The following DYNC1I1 variants were observed in gnomAD, a reference collection of about 807,000 sequenced individuals.
DYNC1I1 encodes the protein cytoplasmic dynein 1 intermediate chain 1.
In DYNC1I1, 43 loss-of-function variants were observed where a neutral mutation model predicts 86.6. That is an observed-to-expected ratio of 0.50 (90% CI 0.39 to 0.64). The LOEUF is 0.64. Among genes scored for constraint, DYNC1I1 ranks in the 30% least tolerant of loss-of-function variants. The pLI, the probability that DYNC1I1 is intolerant of heterozygous loss-of-function variation, is 0.00. For missense variants in DYNC1I1, 604 were observed against 788.8 expected (o/e 0.77, Z 2.81); for synonymous variants, 262 against 283.7 (o/e 0.92, Z 0.77).
At chr7:95,850,946 A>G (rs553420755) in intron 5 of DYNC1I1, among the ~76,000 whole-genome samples, 2 of 151,738 alleles carry the variant, frequency 1.3e-5, no homozygotes, top group Admixed American at 6.6e-5. Context: ...TAATACCACA[A>G]CTTTTTTTTT....
At chr7:95,827,484 G>T (rs1284219861) in intron 4 of DYNC1I1, among the ~76,000 whole-genome samples, 1 of 152,176 alleles carries the variant, frequency 6.6e-6, no homozygotes, top group African/African-American at 2.4e-5. Flanking sequence ...ATCTTAGACA[G>T]AAATGATATT....
chr7:96,086,940 G>A (rs1563000583), intron 16 of DYNC1I1, among the ~76,000 whole-genome samples: 2 of 152,112 alleles, frequency 1.3e-5, no homozygotes, highest in Admixed American at 6.5e-5. Context: ...TAGCCAGCAA[G>A]AATAAGAATA....
At chr7:95,973,534 T>A (rs1404530308) in intron 6 of DYNC1I1, among the ~76,000 whole-genome samples, 1 of 151,870 alleles carries the variant, frequency 6.6e-6, no homozygotes, top group Non-Finnish European at 1.5e-5. Flanking sequence ...GTTGTGAGTG[T>A]TTTTTTAGAC....
chr7:96,059,313 GA>G (rs113602411), intron 14 of DYNC1I1, among the ~76,000 whole-genome samples: 2,936 of 137,646 alleles, frequency 0.021, 82 homozygotes, highest in African/African-American at 0.072. Flanking sequence ...CAGTGAAATC[GA>G]AAAAAAAAAA....
chr7:96,089,376 G>A (rs1416450865), intron 16 of DYNC1I1, among the ~76,000 whole-genome samples: 1 of 152,060 alleles, frequency 6.6e-6, no homozygotes, highest in Non-Finnish European at 1.5e-5. Flanking sequence ...TTTGATGGGT[G>A]AATGAATGAT....
At chr7:96,054,439 A>G (rs750870041) in intron 14 of DYNC1I1, among the ~76,000 whole-genome samples, 63 of 152,212 alleles carry the variant, frequency 4.1e-4, no homozygotes, top group Non-Finnish European at 6.9e-4. Context: ...CGATGCTGCA[A>G]TAAACATACA....
At position 96,069,589 on chromosome 7, in the gene DYNC1I1, T is replaced by C. The variant is rs114684060; in HGVS notation, c.1510-6468T>C. On this transcript the variant is annotated intron_variant, in intron 14 of 16. Coordinates refer to ENST00000447467, the MANE Select transcript of DYNC1I1 (RefSeq NM_001135556.2). ...AAAACGCCAGTTTTGAATGAGAACC[T>C]TGGGTGGAGCTGATATTCATGAAAA... Among the ~76,000 whole-genome samples the C allele has an allele frequency of 5.6e-3, 849 of 152,302 alleles. 8 individuals are homozygous for C. Among genetic ancestry groups the C allele is most frequent in the African/African-American group, 0.02 (812 of 41,572 alleles).
At chr7:95,815,239 A>AT (rs545345289) in intron 4 of DYNC1I1, among the ~76,000 whole-genome samples, 31 of 152,080 alleles carry the variant, frequency 2.0e-4, no homozygotes, top group East Asian at 1.4e-3. Context: ...TTCTTAGGTG[A>AT]TTTTTTTTAA....
At chr7:96,025,406 A>G (rs961091) in intron 10 of DYNC1I1, among the ~76,000 whole-genome samples, 69,304 of 151,722 alleles carry the variant, frequency 0.46, 16,307 homozygotes, top group East Asian at 0.61. Flanking sequence ...GAACATAACT[A>G]TACCTCATCT....
At chr7:95,877,725 C>G (rs1346016345) in intron 6 of DYNC1I1, among the ~76,000 whole-genome samples, 1 of 152,174 alleles carries the variant, frequency 6.6e-6, no homozygotes, top group African/African-American at 2.4e-5. Context: ...TAAGAAGAGC[C>G]CTTCTGGGAT....
intron 6 of DYNC1I1, among the ~76,000 whole-genome samples, chr7:95,965,663 C>T (rs958492338): frequency 1.3e-5 from 2 of 152,030 alleles, no homozygotes; most frequent in South Asian, 2.1e-4. Flanking sequence ...AATATGGCAA[C>T]TCATGTATTT....
chr7:95,848,297 A>G (rs896565785), intron 5 of DYNC1I1, among the ~76,000 whole-genome samples: 1 of 150,976 alleles, frequency 6.6e-6, no homozygotes, highest in Non-Finnish European at 1.5e-5. Flanking sequence ...GTTATTACCT[A>G]TAGTCATCAT....
At chr7:95,902,077 C>T (rs1475330508) in intron 6 of DYNC1I1, among the ~76,000 whole-genome samples, 2 of 152,140 alleles carry the variant, frequency 1.3e-5, no homozygotes, top group Non-Finnish European at 2.9e-5. Flanking sequence ...TAGCTGCTGT[C>T]TGCAAATATT....
At chr7:96,068,732 G>T (rs1011681551) in intron 14 of DYNC1I1, among the ~76,000 whole-genome samples, 2 of 152,172 alleles carry the variant, frequency 1.3e-5, no homozygotes, top group African/African-American at 4.8e-5. Context: ...GAATCAAAGT[G>T]TAATCCATAG....
downstream of DYNC1I1, among the ~76,000 whole-genome samples, chr7:96,100,952 G>T (rs142751259): frequency 1.3e-4 from 20 of 152,312 alleles, no homozygotes; most frequent in African/African-American, 4.3e-4. Flanking sequence ...CAATGAGCTG[G>T]TGAGAGAGGC....
At chr7:95,809,022 T>C (rs1280394757) in intron 2 of DYNC1I1, among the ~76,000 whole-genome samples, 1 of 152,194 alleles carries the variant, frequency 6.6e-6, no homozygotes, top group Non-Finnish European at 1.5e-5. Context: ...TCTTCACTGA[T>C]AAGAGATTAA....
At chr7:96,103,747 G>C (rs1228885292) in intron 16 of DYNC1I1, among the ~76,000 whole-genome samples, 1 of 152,014 alleles carries the variant, frequency 6.6e-6, no homozygotes, top group Non-Finnish European at 1.5e-5. Flanking sequence ...TGAGTAGCTG[G>C]GATTACAGGC....
chr7:95,773,809 G>A (rs1793770748), intron 1 of DYNC1I1, among the ~76,000 whole-genome samples: 1 of 152,112 alleles, frequency 6.6e-6, no homozygotes, highest in African/African-American at 2.4e-5. Context: ...ACAACCCAAC[G>A]CCTGATGTTA....
intron 10 of DYNC1I1, among the ~76,000 whole-genome samples, chr7:96,019,426 T>C (rs1448580728): frequency 6.6e-6 from 1 of 151,990 alleles, no homozygotes; most frequent in Non-Finnish European, 1.5e-5. Flanking sequence ...TTTGAAACAG[T>C]ACTTTTCACA....
Sources: allele counts gnomAD v4.1 joint callset (sites outside exome capture counted in the v4.1 genomes callset), GRCh38; gene constraint gnomAD v4.1.1; transcripts MANE v1.5; gene names NCBI Gene and HGNC (gene_info 2026-07-23, HGNC 2026-07-21).